The following ZNF536 variants were observed in gnomAD, a reference collection of about 807,000 sequenced individuals.
ZNF536 encodes zinc finger protein 536.
Under a neutral mutation model 84.5 loss-of-function variants are expected in ZNF536, and 13 were observed. The ratio of observed to expected loss-of-function variants is 0.15; its 90% CI spans 0.10 to 0.24. ZNF536 has a LOEUF of 0.24. Among genes scored for constraint, ZNF536 ranks in the 10% least tolerant of loss-of-function variants. The probability of loss-of-function intolerance (pLI) is 1.00; values close to 1 mark genes in which losing one functional copy is unlikely to be tolerated. For missense variants in ZNF536, 1,536 were observed against 1,747.5 expected (o/e 0.88, Z 2.16); for synonymous variants, 811 against 742.5 (o/e 1.09, Z -1.50).
At chr19:30,363,267 G>A (rs540913724) in intron 3 of ZNF536, among the ~76,000 whole-genome samples, 1 of 152,196 alleles carries the variant, frequency 6.6e-6, no homozygotes, top group South Asian at 2.1e-4. Flanking sequence ...ACCTAGCATC[G>A]GCAGCATGTA....
intron 1 of ZNF536, among the ~76,000 whole-genome samples, chr19:30,265,642 A>G (rs565356140): frequency 6.6e-6 from 1 of 152,190 alleles, no homozygotes; most frequent in Non-Finnish European, 1.5e-5. Context: ...TTCAGAGGAA[A>G]GGATAGCGAG....
intron 1 of ZNF536, among the ~76,000 whole-genome samples, chr19:30,687,389 C>A (rs1046233548): frequency 6.6e-6 from 1 of 152,166 alleles, no homozygotes; most frequent in African/African-American, 2.4e-5. Context: ...GTGTACAGGA[C>A]GGGGCATCAA....
intron 4 of ZNF536, chr19:30,554,915 G>C (rs890132828): frequency 3.3e-5 from 5 of 152,222 alleles, no homozygotes; most frequent in Non-Finnish European, 5.9e-5. Context: ...GGTGATGGGA[G>C]ACCCCTCATC....
intron 2 of ZNF536, among the ~76,000 whole-genome samples, chr19:30,508,178 C>T (rs1446396294): frequency 6.6e-6 from 1 of 152,160 alleles, no homozygotes; most frequent in Non-Finnish European, 1.5e-5. Context: ...AGCCTTTTAC[C>T]ATTCACCGAT....
intron 1 of ZNF536, among the ~76,000 whole-genome samples, chr19:30,395,840 A>G (rs913742469): frequency 6.6e-6 from 1 of 152,176 alleles, no homozygotes; most frequent in Non-Finnish European, 1.5e-5. Flanking sequence ...AAGTTAATAA[A>G]CTTGATTTTT....
intron 1 of ZNF536, among the ~76,000 whole-genome samples, chr19:30,609,725 T>C (rs1301499173): frequency 6.6e-6 from 1 of 151,714 alleles, no homozygotes; most frequent in Non-Finnish European, 1.5e-5. Flanking sequence ...CATCCATCCA[T>C]CCATCCACCC....
chr19:30,504,653 T>A (rs1459055075), intron 2 of ZNF536, among the ~76,000 whole-genome samples: 2 of 126,284 alleles, frequency 1.6e-5, no homozygotes, highest in African/African-American at 6.0e-5. Flanking sequence ...GCCCTCTCAC[T>A]CTCCTGCCCT....
chr19:30,589,413 G>A (rs1014614063), intron 1 of ZNF536, among the ~76,000 whole-genome samples: 9 of 152,182 alleles, frequency 5.9e-5, no homozygotes, highest in Non-Finnish European at 1.3e-4. Context: ...ACAATGAGAA[G>A]AGGGTTTTCT....
chr19:30,296,484 C>CT (rs1361091318), intron 2 of ZNF536, among the ~76,000 whole-genome samples: 1 of 152,120 alleles, frequency 6.6e-6, no homozygotes, highest in African/African-American at 2.4e-5. Context: ...GGGTGAAACC[C>CT]TTTTGTATGG....
chr19:30,554,250 A>ACT (rs2045886878), intron 4 of ZNF536: 1 of 123,028 alleles, frequency 8.1e-6, no homozygotes, highest in African/African-American at 3.0e-5. Flanking sequence ...GAGAATACCT[A>ACT]CTTTTTTTTT....
chr19:30,586,913 T>C (rs1436746788), intron 1 of ZNF536, among the ~76,000 whole-genome samples: 1 of 152,230 alleles, frequency 6.6e-6, no homozygotes, highest in East Asian at 1.9e-4. Context: ...AGGAAGAGAT[T>C]CAATTAAAAT....
At chr19:30,326,748 C>A (rs373565698) in intron 2 of ZNF536, among the ~76,000 whole-genome samples, 8 of 122,580 alleles carry the variant, frequency 6.5e-5, no homozygotes, top group African/African-American at 2.4e-4. Flanking sequence ...TGGAAAGACA[C>A]GCGATGATTT....
intron 1 of ZNF536, among the ~76,000 whole-genome samples, chr19:30,690,756 A>G (rs1331720743): frequency 1.3e-5 from 2 of 152,076 alleles, no homozygotes; most frequent in East Asian, 3.9e-4. Context: ...AAATGGAAGG[A>G]TCGTAGTAAT....
intron 1 of ZNF536, among the ~76,000 whole-genome samples, chr19:30,252,195 T>C (rs1568530124): frequency 2.0e-5 from 3 of 152,134 alleles, no homozygotes; most frequent in South Asian, 4.1e-4. Flanking sequence ...TATGAAAAAA[T>C]GCTCAACATC....
At chr19:30,676,013 A>G (rs946164187) in intron 1 of ZNF536, among the ~76,000 whole-genome samples, 2 of 151,794 alleles carry the variant, frequency 1.3e-5, no homozygotes, top group African/African-American at 4.9e-5. Flanking sequence ...ATGAGCCACT[A>G]CATCAGGCTA....
intron 1 of ZNF536, among the ~76,000 whole-genome samples, chr19:30,275,865 A>G (rs2026103023): frequency 6.6e-6 from 1 of 151,904 alleles, no homozygotes; most frequent in African/African-American, 2.4e-5. Context: ...GTGTGTAAAT[A>G]CATACTGGCT....
chr19:30,696,661 A>G (rs2051672872), intron 1 of ZNF536, among the ~76,000 whole-genome samples: 1 of 152,170 alleles, frequency 6.6e-6, no homozygotes, highest in Non-Finnish European at 1.5e-5. Flanking sequence ...TCTGTAGGGC[A>G]TGCGCAATGG....
chr19:30,363,381 G>T (rs1407350958), intron 3 of ZNF536, among the ~76,000 whole-genome samples: 3 of 152,148 alleles, frequency 2.0e-5, no homozygotes, highest in Non-Finnish European at 2.9e-5. Flanking sequence ...TGGATTCGCG[G>T]GGACCTGAGA....
chr19:30,249,957 G>C (rs932835585), intron 1 of ZNF536, among the ~76,000 whole-genome samples: 1 of 152,200 alleles, frequency 6.6e-6, no homozygotes, highest in African/African-American at 2.4e-5. Context: ...AGCACTCCCT[G>C]AATCTGCCCT....
Sources: gnomAD v4.1 joint callset for allele counts (sites outside exome capture counted in the v4.1 genomes callset) on GRCh38, gnomAD v4.1.1 for gene constraint, MANE v1.5 for transcripts, NCBI Gene and HGNC (gene_info 2026-07-23, HGNC 2026-07-21) for gene names.